The following FRMD3 variants were observed in gnomAD, a reference collection of about 807,000 sequenced individuals.
The protein encoded by FRMD3 is FERM domain containing 3.
A neutral mutation model predicts 70.2 loss-of-function variants in FRMD3; 33 were observed. That is an observed-to-expected ratio of 0.47 (90% CI 0.36 to 0.63). FRMD3 has a LOEUF of 0.63. Among genes scored for constraint, FRMD3 ranks in the 20% least tolerant of loss-of-function variants. The probability of loss-of-function intolerance (pLI) is 0.00; values close to 1 mark genes in which losing one functional copy is unlikely to be tolerated. For missense variants in FRMD3, 632 were observed against 711.4 expected (o/e 0.89, Z 1.27); for synonymous variants, 279 against 255.9 (o/e 1.09, Z -0.86).
At chr9:83,259,388 T>G (rs1321325998) in intron 13 of FRMD3, among the ~76,000 whole-genome samples, 1 of 152,178 alleles carries the variant, frequency 6.6e-6, no homozygotes, top group Non-Finnish European at 1.5e-5. Context: ...TCAGGGATGC[T>G]AAGGAGTTGA....
chr9:83,580,643 T>C, the FRMD3 span, among the ~76,000 whole-genome samples: 1 of 152,060 alleles, frequency 6.6e-6, no homozygotes, highest in African/African-American at 2.4e-5. Context: ...CGGGGAATTA[T>C]TGGCCAAAGG....
At chr9:83,394,400 A>T (rs1476880308) in intron 1 of FRMD3, among the ~76,000 whole-genome samples, 1 of 152,080 alleles carries the variant, frequency 6.6e-6, no homozygotes, top group Non-Finnish European at 1.5e-5. Context: ...GAGTGGGCTA[A>T]CCCTTTTGAG....
chr9:83,535,736 T>A (rs1210146910), intron 1 of FRMD3, among the ~76,000 whole-genome samples: 1 of 152,130 alleles, frequency 6.6e-6, no homozygotes, highest in Non-Finnish European at 1.5e-5. Flanking sequence ...ACACCCCTGC[T>A]CCAGAGCCAG....
chr9:83,389,849 C>A lies in FRMD3; in HGVS notation c.148-141G>T, dbSNP rs1169831091. ...AGTCCCTGAAGAAGGGGCTTCCAAA[C>A]TCTTTTAACCACAAATCCTCAATGA... is the stretch of plus-strand genomic sequence containing the variant. On this transcript the variant is annotated intron_variant, in intron 1 of 13. Transcript: ENST00000304195. The A allele has an allele frequency of 6.5e-6, 4 of 618,060 alleles. No individual in the cohort carries two copies. In the African/African-American group the frequency reaches 7.4e-5, roughly 11 times the overall value. The allele number at this position is 618,060 out of a possible 1,614,324, so 38.3% of individuals were successfully genotyped here. A position where few individuals can be genotyped will look rare whatever the true frequency, so the allele number is the denominator to read the frequency against.
At chr9:83,486,566 T>C (rs1828694846) in intron 1 of FRMD3, among the ~76,000 whole-genome samples, 1 of 152,188 alleles carries the variant, frequency 6.6e-6, no homozygotes, top group Non-Finnish European at 1.5e-5. Context: ...ATAAAAATCC[T>C]AGAAGAAAAC....
chr9:83,313,908 G>A (rs1161694274), intron 6 of FRMD3, among the ~76,000 whole-genome samples, 161 bp from the exon 7 acceptor site: 1 of 152,176 alleles, frequency 6.6e-6, no homozygotes, highest in African/African-American at 2.4e-5. Context: ...ACCACAAGGA[G>A]TCCTTTACTA....
Position 83,249,912 on chromosome 9 carries a change from C to T in FRMD3, c.1196-1396G>A, listed in dbSNP as rs541902233. Among the ~76,000 whole-genome samples, 236 of 152,116 alleles carry T rather than the reference C, an allele frequency of 1.6e-3. 2 individuals carry two copies. The highest frequency in any genetic ancestry group is 2.9e-3 in the Non-Finnish European group (195 of 68,034). On this transcript the variant is annotated intron_variant, in intron 13 of 13. Transcript: ENST00000304195. The stretch of plus-strand genomic sequence containing the variant: ...ATTGACAGTTCCTCAAAAAATCAAA[C>T]ATAAAGTTATCAGATGACCCAGCAA...
the FRMD3 span, among the ~76,000 whole-genome samples, chr9:83,580,295 G>A: frequency 9.4e-4 from 143 of 152,136 alleles, no homozygotes; most frequent in African/African-American, 3.2e-3. Context: ...ATATTCAAAG[G>A]AATTGAAATC....
chr9:83,554,807 AC>A, the FRMD3 span, among the ~76,000 whole-genome samples: 1 of 151,768 alleles, frequency 6.6e-6, no homozygotes, highest in Middle Eastern at 3.2e-3. Context: ...GGCCTGGAGG[AC>A]CTGCCTGGTG....
At chr9:83,419,052 G>A (rs56009714) in intron 1 of FRMD3, among the ~76,000 whole-genome samples, 14,272 of 152,094 alleles carry the variant, frequency 0.094, 809 homozygotes, top group South Asian at 0.2. Flanking sequence ...ATCAAAAACC[G>A]TATGTTCTCA....
chr9:83,510,523 T>C (rs995271718), intron 1 of FRMD3, among the ~76,000 whole-genome samples: 4 of 152,146 alleles, frequency 2.6e-5, no homozygotes, highest in Admixed American at 2.0e-4. Context: ...ATTCCACTCC[T>C]AGAAGAATGA....
rs1402795499 is a variant in FRMD3 at position 83,261,100 on chromosome 9, T to TACACACACACACACAC, written c.1196-12585_1196-12584insGTGTGTGTGTGTGTGT. Among the ~76,000 whole-genome samples, 15 of 27,010 alleles carry TACACACACACACACAC rather than the reference T, an allele frequency of 5.6e-4. 1 individual carries two copies. Among genetic ancestry groups the TACACACACACACACAC allele is most frequent in the African/African-American group, 1.4e-3 (14 of 10,196 alleles). 17.7% of individuals were successfully genotyped at this position (27,010 alleles called of 152,430 possible). On this transcript the variant is annotated intron_variant, in intron 13 of 13. Coordinates refer to ENST00000304195, the MANE Select transcript of FRMD3 (RefSeq NM_174938.6). ...AGGAAAGTATCCACAAAAGGAAACTTAGACACACACACACACACACACACA... is the reference window on the plus strand; with the variant it reads ...AGGAAAGTATCCACAAAAGGAAACTTACACACACACACACACAGACACACACACACACACACACACA...
Position 83,247,663 on chromosome 9 carries a change from T to C in FRMD3, c.*255A>G. 1 of 1,201,502 alleles carries C rather than the reference T, an allele frequency of 8.3e-7. No individual in the cohort carries two copies. The highest frequency in any genetic ancestry group is 1.1e-6 in the Non-Finnish European group (1 of 946,672). 74.4% of individuals were successfully genotyped at this position (1,201,502 alleles called of 1,614,324 possible). ...TGATATAATAGATGAAGGGTATGTC[T>C]ACACTATAATAAAAAATAAACATAT... is the stretch of plus-strand genomic sequence containing the variant. On this transcript the variant is annotated 3_prime_UTR_variant, in exon 14 of 14. Coordinates refer to ENST00000304195, the MANE Select transcript of FRMD3 (RefSeq NM_174938.6).
chr9:83,545,347 T>TTTTTTTTGG, the FRMD3 span, among the ~76,000 whole-genome samples: 1 of 124,136 alleles, frequency 8.1e-6, no homozygotes. Flanking sequence ...AAAAGTGTTG[T>TTTTTTTTGG]TTTTTTTTGT....
intron 1 of FRMD3, among the ~76,000 whole-genome samples, chr9:83,452,473 G>GTTT (rs55688520): frequency 6.6e-6 from 1 of 151,746 alleles, no homozygotes. Flanking sequence ...TGCTTGAGTT[G>GTTT]TTTTTTTTGT....
chr9:83,298,264 A>T (rs774798606), intron 12 of FRMD3, among the ~76,000 whole-genome samples: 2 of 152,230 alleles, frequency 1.3e-5, no homozygotes, highest in Non-Finnish European at 2.9e-5. Context: ...GAATGACTGC[A>T]TATCGTCACC....
chr9:83,406,886 T>A (rs914149428), intron 1 of FRMD3, among the ~76,000 whole-genome samples: 1 of 152,230 alleles, frequency 6.6e-6, no homozygotes, highest in African/African-American at 2.4e-5. Context: ...TTCCATATTT[T>A]CCTCCAGTTT....
chr9:83,555,277 C>G, the FRMD3 span, among the ~76,000 whole-genome samples: 1 of 151,780 alleles, frequency 6.6e-6, no homozygotes, highest in Non-Finnish European at 1.5e-5. Flanking sequence ...AGTGCTGTCC[C>G]AGGGGGAATT....
chr9:83,548,909 C>G, the FRMD3 span, among the ~76,000 whole-genome samples: 1 of 152,060 alleles, frequency 6.6e-6, no homozygotes, highest in Non-Finnish European at 1.5e-5. Context: ...ATTGTCTGGT[C>G]TGAGTACAGT....
Sources: gnomAD v4.1 joint callset for allele counts (sites outside exome capture counted in the v4.1 genomes callset) on GRCh38, gnomAD v4.1.1 for gene constraint, MANE v1.5 for transcripts, NCBI Gene and HGNC (gene_info 2026-07-23, HGNC 2026-07-21) for gene names.